Variants in NFASC observed in about 807,000 individuals in gnomAD.
The protein encoded by NFASC is neurofascin.
NFASC carries 43 observed loss-of-function variants against 147.5 expected under a neutral mutation model. That is an observed-to-expected ratio of 0.29 (90% CI 0.23 to 0.38). NFASC has a LOEUF of 0.38. Ranked by LOEUF, NFASC falls within the 10% of genes least tolerant of loss-of-function variation. NFASC has a pLI of 1.00. For missense variants in NFASC, 1,320 were observed against 1,689.0 expected (o/e 0.78, Z 3.83); for synonymous variants, 622 against 665.5 (o/e 0.93, Z 1.01).
rs1262279601 is a variant in NFASC at position 204,987,523 on chromosome 1, C to T, written c.2576C>T (p.Thr859Ile). Residue 859 changes from threonine (T) to isoleucine (I), a missense_variant, in exon 22 of 30, where the codon ACT becomes ATT. Around this residue, in one of 3 missense-constraint regions of NFASC, gnomAD observed 981 missense variants for 1,289.5 expected, o/e 0.76. Transcript: ENST00000339876. The surrounding 1 kb of genome is among the most constrained non-coding windows in gnomAD (Gnocchi z 4.4). Reference sequence around the variant, plus strand: ...CCAAATGGGATCATGATTGGATACACTCTCAAATATGTGGCCTGTACGTTC... The same window carrying T: ...CCAAATGGGATCATGATTGGATACATTCTCAAATATGTGGCCTGTACGTTC... ...EHPNGIMIGY[T>I]LKYVAFNGTK... 6.2e-7 allele frequency: 1 copy of T among 1,614,138 alleles called. No individual in the cohort carries two copies. The highest frequency in any genetic ancestry group is 8.5e-7 in the Non-Finnish European group (1 of 1,179,976).
rs181107868 is a variant in NFASC, at chr1:205,015,374, C to G, written c.3492-934C>G. Among the ~76,000 whole-genome samples the G allele has an allele frequency of 1.3e-5, 2 of 152,326 alleles. No homozygotes were observed. Among genetic ancestry groups the G allele is most frequent in the East Asian group, 3.9e-4 (2 of 5,164 alleles). On this transcript the variant is annotated intron_variant, in intron 29 of 29. Coordinates refer to ENST00000339876, the MANE Select transcript of NFASC (RefSeq NM_001005388.3). The surrounding 1 kb of genome is among the most constrained non-coding windows in gnomAD (Gnocchi z 4.0). ...AGGAACTGGGCTAACCTCTGAAGTG[C>G]AGCCAGCACCACCTGGTCCCCACTC...
chr1:204,892,123 A>G (rs906704827), intron 1 of NFASC, among the ~76,000 whole-genome samples: 2 of 152,210 alleles, frequency 1.3e-5, no homozygotes, highest in African/African-American at 4.8e-5. Flanking sequence ...CAGAGTTGGT[A>G]AAAAGGAAAT....
In NFASC at chr1:204,892,303, T is replaced by G. The variant is rs186734738; in HGVS notation, c.-199-28329T>G. 7.7e-4 allele frequency among the ~76,000 whole-genome samples: 118 copies of G among 152,354 alleles called. 1 individual carries two copies. The highest frequency in any genetic ancestry group is 5.0e-3 in the South Asian group (24 of 4,822). Reference sequence around the variant, plus strand: ...TGTAGCAACACTGTCTGCTCTAGTATCCACTGTCTTGTTGCATAACAAGCC... The same window carrying G: ...TGTAGCAACACTGTCTGCTCTAGTAGCCACTGTCTTGTTGCATAACAAGCC... On this transcript the variant is annotated intron_variant, in intron 1 of 29. Transcript: ENST00000339876.
At chr1:204,896,227 T>C (rs983007048) in intron 1 of NFASC, among the ~76,000 whole-genome samples, 1 of 152,210 alleles carries the variant, frequency 6.6e-6, no homozygotes, top group African/African-American at 2.4e-5. Flanking sequence ...CCCCCGCCTG[T>C]GGCTGCTGCT....
At chr1:204,944,559 A>G (rs1318198309) in intron 3 of NFASC, among the ~76,000 whole-genome samples, 153 bp downstream of exon 3, 1 of 152,240 alleles carries the variant, frequency 6.6e-6, no homozygotes, top group Non-Finnish European at 1.5e-5. Flanking sequence ...GTTTCTCTCC[A>G]AAGAATTGAC....
chr1:204,965,792 G>A (rs1361741667), intron 8 of NFASC, among the ~76,000 whole-genome samples: 1 of 152,220 alleles, frequency 6.6e-6, no homozygotes, highest in African/African-American at 2.4e-5. Context: ...GAACAAGTGG[G>A]ATGCCCATCT....
rs530931512 is a variant in NFASC, at chr1:204,937,028, T to C, written c.-90-7198T>C. Among the ~76,000 whole-genome samples, 71 of 144,388 alleles carry C rather than the reference T, an allele frequency of 4.9e-4. 1 individual carries two copies. The highest frequency in any genetic ancestry group is 1.5e-3 in the African/African-American group (62 of 41,154). 94.7% of individuals were successfully genotyped at this position (144,388 alleles called of 152,430 possible). ...CTGGGATGCTTTTCTGACCTGTCTT[T>C]GCAAGGTTAGTGCCTTCTTACCATT... On this transcript the variant is annotated intron_variant, in intron 2 of 29. Transcript: ENST00000339876.
Position 204,864,216 on chromosome 1 carries a change from A to G in NFASC, c.-200+35434A>G, listed in dbSNP as rs531185940. 7.2e-5 allele frequency among the ~76,000 whole-genome samples: 11 copies of G among 152,338 alleles called. 1 individual carries two copies. The highest frequency in any genetic ancestry group is 7.2e-4 in the Admixed American group (11 of 15,304). On this transcript the variant is annotated intron_variant, in intron 1 of 29. Coordinates refer to ENST00000339876, the MANE Select transcript of NFASC (RefSeq NM_001005388.3). ...GAACTTCATTCTTTTTTATTGCTGA[A>G]TAATATTCCATGGTATGAATGCACA...
chr1:204,904,295 G>A (rs2085302640), intron 1 of NFASC, among the ~76,000 whole-genome samples: 2 of 152,036 alleles, frequency 1.3e-5, no homozygotes, highest in African/African-American at 4.8e-5. Context: ...ACGGGGTTTT[G>A]CCGTGTTGCC....
rs1049304555 is a variant in NFASC at position 205,010,332 on chromosome 1, C to G, written c.3421+644C>G. ...CCTAGCCAGGCACAATGACTCACAC[C>G]TGTAATCCCAGCACTTCGGGAGGCC... On this transcript the variant is annotated intron_variant, in intron 28 of 29. Coordinates refer to ENST00000339876, the MANE Select transcript of NFASC (RefSeq NM_001005388.3). This position sits in a 1 kb window ranked among gnomAD's most constrained non-coding sequence, Gnocchi z 4.1. 1 of 152,566 alleles carries G rather than the reference C, an allele frequency of 6.6e-6. No homozygotes were observed. The highest frequency in any genetic ancestry group is 2.4e-5 in the African/African-American group (1 of 41,468). The allele number at this position is 152,566 out of a possible 1,614,324, so 9.5% of individuals were successfully genotyped here.
intron 1 of NFASC, among the ~76,000 whole-genome samples, chr1:204,890,631 A>G (rs2082202532): frequency 6.7e-6 from 1 of 149,410 alleles, no homozygotes; most frequent in Non-Finnish European, 1.5e-5. Flanking sequence ...ATATAATAGC[A>G]TGATCTCTGC....
chr1:204,969,110 G>A, intron 10 of NFASC, 128 bp downstream of exon 10: 2 of 800,036 alleles, frequency 2.5e-6, no homozygotes, highest in Non-Finnish European at 4.0e-6. Context: ...CAGTGGCAAT[G>A]GCGATCTGCC....
At chr1:205,012,065 T>C (rs1432503068) in intron 28 of NFASC, among the ~76,000 whole-genome samples, 2 of 152,148 alleles carry the variant, frequency 1.3e-5, no homozygotes, top group African/African-American at 2.4e-5. Context: ...CAAAAAAAGA[T>C]ACATAAAGAG....
chr1:205,002,524 A>C, intron 26 of NFASC, 72 bp from the exon 27 acceptor site: 1 of 1,266,024 alleles, frequency 7.9e-7, no homozygotes, highest in Non-Finnish European at 1.0e-6. Flanking sequence ...TTGACAGGTG[A>C]CCAGGACCTA....
At position 204,974,764 on chromosome 1, in the gene NFASC, C is replaced by T. The variant is rs1281353967; in HGVS notation, c.1499C>T (p.Thr500Ile). ...MIRKEDQGIY[T>I]CVATNILGKA... The stretch of plus-strand genomic sequence containing the variant: ...CGCAAAGAGGACCAGGGCATCTACA[C>T]CTGTGTCGCCACCAACATCCTGGGC... Residue 500 changes from threonine (T) to isoleucine (I), a missense_variant, in exon 14 of 30, where the codon ACC becomes ATC. Physicochemically the swap from Thr to Ile is moderately conservative, Grantham distance 89. Around this residue, in one of 3 missense-constraint regions of NFASC, gnomAD observed 981 missense variants for 1,289.5 expected, o/e 0.76. Transcript: ENST00000339876. 5.6e-6 allele frequency: 9 copies of T among 1,614,134 alleles called. No homozygotes were observed. Among genetic ancestry groups the T allele is most frequent in the East Asian group, 2.2e-5 (1 of 44,902 alleles).
At chr1:204,938,419 A>G (rs2093062986) in intron 2 of NFASC, among the ~76,000 whole-genome samples, 1 of 152,188 alleles carries the variant, frequency 6.6e-6, no homozygotes, top group Admixed American at 6.5e-5. Context: ...TGTTTTACAT[A>G]GGAATTGTGT....
At chr1:204,978,271 C>T (rs1182735841) in intron 17 of NFASC, among the ~76,000 whole-genome samples, 1 of 152,124 alleles carries the variant, frequency 6.6e-6, no homozygotes, top group African/African-American at 2.4e-5. Context: ...ACTCAGTAGC[C>T]GATGTCTTTA....
intron 1 of NFASC, among the ~76,000 whole-genome samples, chr1:204,881,722 T>G (rs1477949838): frequency 2.0e-5 from 3 of 152,152 alleles, no homozygotes; most frequent in African/African-American, 7.2e-5. Context: ...AAAGATTCTT[T>G]GCTTGACAAA....
At chr1:204,896,244 G>A (rs973390582) in intron 1 of NFASC, among the ~76,000 whole-genome samples, 4 of 152,306 alleles carry the variant, frequency 2.6e-5, no homozygotes, top group Middle Eastern at 3.4e-3. Context: ...TGCTTGTTGG[G>A]TTTAGTAATT....
Sources: gnomAD v4.1 joint callset for allele counts (sites outside exome capture counted in the v4.1 genomes callset) on GRCh38, gnomAD v4.1.1 for gene constraint, gnomAD v4.1.1 regional missense constraint, Gnocchi (gnomAD v3.1) non-coding constraint, MANE v1.5 for transcripts, NCBI Gene and HGNC (gene_info 2026-07-23, HGNC 2026-07-21) for gene names.